Variants in SPP1 observed in about 807,000 individuals in gnomAD.
SPP1 encodes osteopontin.
SPP1 carries 18 observed loss-of-function variants against 20.8 expected under a neutral mutation model. That is an observed-to-expected ratio of 0.87 (90% CI 0.60 to 1.29). The LOEUF is 1.29. Ranked by LOEUF, SPP1 falls within the 50% of genes most tolerant of loss-of-function variation. The pLI is 0.00. For missense variants in SPP1, 363 were observed against 389.0 expected (o/e 0.93, Z 0.56); for synonymous variants, 146 against 141.5 (o/e 1.03, Z -0.23).
At chr4:87,977,750 A>G in intron 3 of SPP1, 1 of 1,284,070 alleles carries the variant, frequency 7.8e-7, no homozygotes, top group Non-Finnish European at 1.0e-6. Flanking sequence ...TTGGACAAAA[A>G]GGCACACAGA....
At position 87,982,831 on chromosome 4, in the gene SPP1, G is replaced by A. The variant is rs149148880; in HGVS notation, c.880G>A (p.Glu294Lys). The A allele has an allele frequency of 2.8e-4, 444 of 1,614,030 alleles. No homozygotes were observed. Among genetic ancestry groups the A allele is most frequent in the Non-Finnish European group, 3.7e-4 (432 of 1,180,028 alleles). The change falls in exon 7 of 7, where the codon GAA (glutamate) becomes AAA (lysine). Residue 294 changes from glutamate (E) to lysine (K), a missense_variant. Transcript: ENST00000395080. The part of the protein sequence containing the change: ...MLVVDPKSKE[E>K]DKHLKFRISH... The stretch of plus-strand genomic sequence containing the variant: ...GGTTGTAGACCCCAAAAGTAAGGAA[G>A]AAGATAAACACCTGAAATTTCGTAT...
chr4:87,978,481 C>T (rs1333792306), intron 3 of SPP1, among the ~76,000 whole-genome samples: 2 of 147,744 alleles, frequency 1.4e-5, no homozygotes, highest in African/African-American at 5.0e-5. Flanking sequence ...CTGCAAGCTC[C>T]GCCTCCCAGG....
rs573891010 is a variant in SPP1 at position 87,982,938 on chromosome 4, A to G, written c.*42A>G. ...ATTTCTCACTTTGCATTTAGTCAAA[A>G]GAAAAAATGCTTTATAGCAAAATGA... On this transcript the variant is annotated 3_prime_UTR_variant, in exon 7 of 7. Transcript: ENST00000395080. The G allele has an allele frequency of 1.3e-6, 2 of 1,529,556 alleles. No individual in the cohort carries two copies. The highest frequency in any genetic ancestry group is 2.3e-5 in the East Asian group (1 of 44,238). The allele number at this position is 1,529,556 out of a possible 1,614,324, so 94.7% of individuals were successfully genotyped here.
chr4:87,977,658 C>T (rs1028270531), intron 3 of SPP1: 2 of 1,140,674 alleles, frequency 1.8e-6, no homozygotes, highest in Admixed American at 4.2e-5. Flanking sequence ...AATTATTTGA[C>T]CAGCACTAAA....
rs116691482 is a variant in SPP1 at position 87,979,627 on chromosome 4, G to A, written c.94-419G>A. Among the ~76,000 whole-genome samples, 686 of 152,238 alleles carry A rather than the reference G, an allele frequency of 4.5e-3. 5 individuals are homozygous for A. Among genetic ancestry groups the A allele is most frequent in the African/African-American group, 0.016 (657 of 41,534 alleles). ...CTTCTGGTTTAGATGTGCTTTATCT[G>A]AGAGGAAAATTCAGCCAGCAAACAT... On this transcript the variant is annotated intron_variant, in intron 3 of 6. Transcript: ENST00000395080.
At position 87,982,536 on chromosome 4, in the gene SPP1, CG is replaced by C. The variant is rs760732404; in HGVS notation, c.586del (p.Glu196ArgfsTer3). 2 of 1,613,938 alleles carry C rather than the reference CG, an allele frequency of 1.2e-6. No individual in the cohort carries two copies. The highest frequency in any genetic ancestry group is 2.7e-5 in the African/African-American group (2 of 74,880). On this transcript the variant is annotated frameshift_variant, in exon 7 of 7. Coordinates refer to ENST00000395080, the MANE Select transcript of SPP1 (RefSeq NM_001040058.2). LOFTEE classifies it low-confidence loss of function (END_TRUNC). ...AGGACATCACCTCACACATGGAAAG[CG>C]AGGAGTTGAATGGTGCATACAAGGC... The part of the protein sequence containing the change: ...DEDITSHMES[E>X]ELNGAYKAIP...
rs766372452 is a variant in SPP1 at position 87,978,418 on chromosome 4, CGGAG to C, written c.93+1322_93+1325del. Among the ~76,000 whole-genome samples the C allele has an allele frequency of 6.6e-3, 706 of 106,808 alleles. 4 individuals are homozygous for C. Among genetic ancestry groups the C allele is most frequent in the Admixed American group, 9.8e-3 (72 of 7,372 alleles). The allele number at this position is 106,808 out of a possible 152,430, so 70.1% of individuals were successfully genotyped here. A position where few individuals can be genotyped will look rare whatever the true frequency, so the allele number is the denominator to read the frequency against. ...TTTTTTTTTTTTTTTTTTTTTGAGACGGAGTCTCGCTCCGTCGCCCAGGCTGGAG... is the reference window on the plus strand; with the variant it reads ...TTTTTTTTTTTTTTTTTTTTTGAGACTCTCGCTCCGTCGCCCAGGCTGGAG... On this transcript the variant is annotated intron_variant, in intron 3 of 6. Transcript: ENST00000395080.
At chr4:87,977,413 G>A (rs1003915577) in intron 3 of SPP1, among the ~76,000 whole-genome samples, 1 of 152,160 alleles carries the variant, frequency 6.6e-6, no homozygotes, top group Non-Finnish European at 1.5e-5. Flanking sequence ...TGATCTAAAA[G>A]CAGAAAATTC....
rs560932302 is a variant in SPP1 at position 87,978,452 on chromosome 4, G to A, written c.93+1355G>A. 1.7e-3 allele frequency among the ~76,000 whole-genome samples: 234 copies of A among 139,458 alleles called. 1 individual carries two copies. The highest frequency in any genetic ancestry group is 6.2e-3 in the African/African-American group (226 of 36,520). 91.5% of individuals were successfully genotyped at this position (139,458 alleles called of 152,430 possible). ...GCTCCGTCGCCCAGGCTGGAGTGCA[G>A]TGGTGTGATCTCGGCTCACTGCAAG... On this transcript the variant is annotated intron_variant, in intron 3 of 6. Transcript: ENST00000395080.
chr4:87,982,608 C>A lies in SPP1; in HGVS notation c.657C>A (p.Ser219Arg). The A allele has an allele frequency of 6.2e-7, 1 of 1,614,080 alleles. No homozygotes were observed. The highest frequency in any genetic ancestry group is 8.5e-7 in the Non-Finnish European group (1 of 1,180,026). ...QDLNAPSDWD[S>R]RGKDSYETSQ... ...TGAACGCGCCTTCTGATTGGGACAG[C>A]CGTGGGAAGGACAGTTATGAAACGA... The change falls in exon 7 of 7, where the codon AGC becomes AGA. Residue 219 changes from serine (S) to arginine (R), a missense_variant. By Grantham distance (110) the Ser-to-Arg change is moderately radical. Coordinates refer to ENST00000395080, the MANE Select transcript of SPP1 (RefSeq NM_001040058.2).
Position 87,981,771 on chromosome 4 carries a change from T to A in SPP1, c.513T>A (p.Ser171=), listed in dbSNP as rs1207033328. 1 of 1,613,954 alleles carries A rather than the reference T, an allele frequency of 6.2e-7. No homozygotes were observed. The highest frequency in any genetic ancestry group is 8.5e-7 in the Non-Finnish European group (1 of 1,179,844). The part of the protein sequence containing the change: ...DSVVYGLRSK[S]KKFRRPDIQY... ...TGGTTTATGGACTGAGGTCAAAATC[T>A]AAGAAGTTTCGCAGACCTGACATCC... Residue 171 remains serine (S), a synonymous_variant, in exon 6 of 7, where the codon TCT becomes TCA. Transcript: ENST00000395080.
chr4:87,976,280 C>T (rs1254903564), intron 1 of SPP1, among the ~76,000 whole-genome samples: 1 of 152,158 alleles, frequency 6.6e-6, no homozygotes, highest in East Asian at 1.9e-4. Flanking sequence ...ACCTGTATGA[C>T]ACTGTGTAGG....
At chr4:87,980,255 A>G in intron 4 of SPP1, 129 bp downstream of exon 4, 2 of 1,461,022 alleles carry the variant, frequency 1.4e-6, no homozygotes, top group Non-Finnish European at 1.9e-6. Context: ...CTGATCTGCC[A>G]TGTTGGCTTC....
At chr4:87,978,932 TACTC>T (rs1180024479) in intron 3 of SPP1, among the ~76,000 whole-genome samples, 4 of 152,172 alleles carry the variant, frequency 2.6e-5, no homozygotes, top group Admixed American at 6.5e-5. Flanking sequence ...AGATGATACT[TACTC>T]AGAGCAATTT....
intron 3 of SPP1, among the ~76,000 whole-genome samples, chr4:87,978,701 GC>G (rs1725514843): frequency 6.6e-6 from 1 of 151,996 alleles, no homozygotes; most frequent in Non-Finnish European, 1.5e-5. Flanking sequence ...TCTTCTTAAA[GC>G]AAGGAACCCC....
At chr4:87,976,148 T>C (rs1277975916) in intron 1 of SPP1, among the ~76,000 whole-genome samples, 1 of 152,184 alleles carries the variant, frequency 6.6e-6, no homozygotes, top group Non-Finnish European at 1.5e-5. Context: ...AAAGGGATCT[T>C]TTATGCTAAT....
chr4:87,982,994 T>C lies in SPP1; in HGVS notation c.*98T>C, dbSNP rs1725725873. ...AACATGAAATGCTTCTTTCTCAGTT[T>C]ATTGGTTGAATGTGTATCTATTTGA... On this transcript the variant is annotated 3_prime_UTR_variant, in exon 7 of 7. Transcript: ENST00000395080. 4 of 1,217,288 alleles carry C rather than the reference T, an allele frequency of 3.3e-6. No homozygotes were observed. Among genetic ancestry groups the C allele is most frequent in the South Asian group, 1.6e-5 (1 of 62,246 alleles). The allele number at this position is 1,217,288 out of a possible 1,614,324, so 75.4% of individuals were successfully genotyped here.
chr4:87,977,980 A>C (rs185677247), intron 3 of SPP1: 6 of 507,978 alleles, frequency 1.2e-5, no homozygotes, highest in African/African-American at 1.0e-4. Context: ...AGGTCATACT[A>C]TTTGAGGCAA....
rs778838857 is a variant in SPP1, at chr4:87,980,417, A to C, written c.199A>C (p.Asn67His). ...GAATGCTGTGTCCTCTGAAGAAACC[A>C]ATGACTTTAAACAAGAGGTAAGTTC... is the stretch of plus-strand genomic sequence containing the variant. ...PQNAVSSEET[N>H]DFKQETLPSK... is the part of the protein sequence containing the mutation. The change falls in exon 5 of 7, where the codon AAT (asparagine) becomes CAT (histidine). Residue 67 changes from asparagine to histidine, a missense_variant. Physicochemically the swap from Asn to His is moderately conservative, Grantham distance 68. Transcript: ENST00000395080. 6.2e-7 allele frequency: 1 copy of C among 1,614,144 alleles called. No homozygotes were observed. Among genetic ancestry groups the C allele is most frequent in the Non-Finnish European group, 8.5e-7 (1 of 1,180,022 alleles).
Sources: gnomAD v4.1 joint callset for allele counts (sites outside exome capture counted in the v4.1 genomes callset) on GRCh38, gnomAD v4.1.1 for gene constraint, MANE v1.5 for transcripts, NCBI Gene and HGNC (gene_info 2026-07-23, HGNC 2026-07-21) for gene names.